Variants in SCYL3 observed in about 807,000 individuals in gnomAD.
SCYL3 encodes the protein SCY1 like pseudokinase 3.
SCYL3 carries 35 observed loss-of-function variants against 73.8 expected under a neutral mutation model. The ratio of observed to expected loss-of-function variants is 0.47; its 90% confidence interval spans 0.36 to 0.63. The LOEUF is 0.63. Ranked by LOEUF, SCYL3 falls within the 20% of genes least tolerant of loss-of-function variation. The probability of loss-of-function intolerance (pLI) is 0.00; values close to 1 mark genes in which losing one functional copy is unlikely to be tolerated. For missense variants in SCYL3, 712 were observed against 798.9 expected (o/e 0.89, Z 1.31); for synonymous variants, 277 against 295.2 (o/e 0.94, Z 0.63).
chr1:169,849,674 C>T lies in SCYL3; in HGVS notation c.*4039G>A. ...AATATTTCAAATATTCCAGAACAATCCCAAAACATTTATTGAACTGCTTCT... is the reference window on the plus strand; with the variant it reads ...AATATTTCAAATATTCCAGAACAATTCCAAAACATTTATTGAACTGCTTCT... On this transcript the variant is annotated 3_prime_UTR_variant, in exon 13 of 13. Transcript: ENST00000367771. 8.1e-7 allele frequency: 1 copy of T among 1,231,264 alleles called. No individual in the cohort carries two copies. The highest frequency in any genetic ancestry group is 1.2e-6 in the Non-Finnish European group (1 of 845,968). 76.3% of individuals were successfully genotyped at this position (1,231,264 alleles called of 1,614,324 possible). A position where few individuals can be genotyped will look rare whatever the true frequency, so the allele number is the denominator to read the frequency against.
At chr1:169,856,839 G>A (rs1474268797) in intron 11 of SCYL3, among the ~76,000 whole-genome samples, 1 of 152,154 alleles carries the variant, frequency 6.6e-6, no homozygotes, top group Non-Finnish European at 1.5e-5. Context: ...CAAGGAAGAG[G>A]TGAACGCTCT....
rs1658629648 is a variant in SCYL3 at position 169,853,071 on chromosome 1, A to G, written c.*642T>C. On this transcript the variant is annotated 3_prime_UTR_variant, in exon 13 of 13. Coordinates refer to ENST00000367771, the MANE Select transcript of SCYL3 (RefSeq NM_020423.7). ...GTACATTTTCTAACAGATATAAAAC[A>G]AATTTTGTAAAGTTGAATCTAGTGA... The G allele has an allele frequency of 3.8e-6, 5 of 1,328,148 alleles. No homozygotes were observed. The Admixed American group carries it at 8.1e-5, about 22-fold the overall frequency. The allele number at this position is 1,328,148 out of a possible 1,614,324, so 82.3% of individuals were successfully genotyped here. A position where few individuals can be genotyped will look rare whatever the true frequency, so the allele number is the denominator to read the frequency against.
chr1:169,875,019 T>C (rs574416693), intron 4 of SCYL3, among the ~76,000 whole-genome samples: 1 of 152,186 alleles, frequency 6.6e-6, no homozygotes, highest in East Asian at 1.9e-4. Context: ...GGCAAAGAAT[T>C]TGGAATAAAC....
chr1:169,890,294 C>A (rs1450142551), intron 1 of SCYL3, among the ~76,000 whole-genome samples: 1 of 152,180 alleles, frequency 6.6e-6, no homozygotes, highest in Non-Finnish European at 1.5e-5. Context: ...CAACGTATGT[C>A]TGAAAAATCT....
intron 4 of SCYL3, 123 bp downstream of exon 4, chr1:169,875,855 C>T (rs1342222526): frequency 2.1e-6 from 1 of 478,126 alleles, no homozygotes; most frequent in Non-Finnish European, 3.7e-6. Context: ...AGGGCACTGA[C>T]AAAAAATTCA....
chr1:169,852,075 T>C lies in SCYL3; in HGVS notation c.*1638A>G, dbSNP rs1448326636. 2 of 1,206,096 alleles carry C rather than the reference T, an allele frequency of 1.7e-6. No individual in the cohort carries two copies. Among genetic ancestry groups the C allele is most frequent in the Non-Finnish European group, 2.4e-6 (2 of 844,266 alleles). 74.7% of individuals were successfully genotyped at this position (1,206,096 alleles called of 1,614,324 possible). On this transcript the variant is annotated 3_prime_UTR_variant, in exon 13 of 13. Transcript: ENST00000367771. ...ATAGATCTAGACATGTAAAATTCTGTTTTATGGTAGTTGCTTTTAAAATTA... is the reference window on the plus strand; with the variant it reads ...ATAGATCTAGACATGTAAAATTCTGCTTTATGGTAGTTGCTTTTAAAATTA...
intron 2 of SCYL3, 91 bp downstream of exon 2, chr1:169,888,585 C>T: frequency 9.7e-7 from 1 of 1,030,078 alleles, no homozygotes; most frequent in South Asian, 1.7e-5. Context: ...TATGATCTTA[C>T]CTCCTTTGAA....
rs200810095 is a variant in SCYL3, at chr1:169,852,790, C to G, written c.*923G>C. On this transcript the variant is annotated 3_prime_UTR_variant, in exon 13 of 13. Coordinates refer to ENST00000367771, the MANE Select transcript of SCYL3 (RefSeq NM_020423.7). The stretch of plus-strand genomic sequence containing the variant: ...GATATTACTTATGTTTTTTTTCCAG[C>G]CTTATGCAAAAAGAGCTCGTCAGGA... The G allele has an allele frequency of 6.2e-7, 1 of 1,612,212 alleles. No individual in the cohort carries two copies. The highest frequency in any genetic ancestry group is 1.7e-5 in the Admixed American group (1 of 59,694).
chr1:169,858,864 A>G (rs985686309), intron 11 of SCYL3, among the ~76,000 whole-genome samples, 177 bp downstream of exon 11: 14 of 152,188 alleles, frequency 9.2e-5, no homozygotes, highest in African/African-American at 3.4e-4. Context: ...GCTTAAAAAA[A>G]AAGTATGAAA....
chr1:169,852,720 C>T lies in SCYL3; in HGVS notation c.*993G>A. 6.6e-7 allele frequency: 1 copy of T among 1,504,964 alleles called. No individual in the cohort carries two copies. The highest frequency in any genetic ancestry group is 9.2e-7 in the Non-Finnish European group (1 of 1,091,152). The allele number at this position is 1,504,964 out of a possible 1,614,324, so 93.2% of individuals were successfully genotyped here. A position where few individuals can be genotyped will look rare whatever the true frequency, so the allele number is the denominator to read the frequency against. ...GAATAAAATTTGCATGTAAGCTTTA[C>T]TCCAGTCCAAAAGGAAGGTTCTTTA... On this transcript the variant is annotated 3_prime_UTR_variant, in exon 13 of 13. Transcript: ENST00000367771.
chr1:169,891,920 G>A (rs1662114563), intron 1 of SCYL3, among the ~76,000 whole-genome samples: 1 of 152,136 alleles, frequency 6.6e-6, no homozygotes, highest in Non-Finnish European at 1.5e-5. Context: ...GCATTAGGAA[G>A]TAGTTAAAAT....
Position 169,854,741 on chromosome 1 carries a change from T to G in SCYL3, c.1536A>C (p.Glu512Asp). ...VKSQCTTLDV[E>D]ESSWDDCEPS... ...GCTCGCAGTCATCCCAAGATGACTC[T>G]TCCACATCCAAGGTAGTGCACTGGG... Residue 512 changes from glutamate (E) to aspartate (D), a missense_variant, in exon 12 of 13, where the codon GAA becomes GAC. By Grantham distance (45) the Glu-to-Asp change is conservative. This residue lies in a region of SCYL3 where 370 missense variants were observed against 350.8 expected (regional missense o/e 1.05). Transcript: ENST00000367771. 1 of 1,614,044 alleles carries G rather than the reference T, an allele frequency of 6.2e-7. No homozygotes were observed. The highest frequency in any genetic ancestry group is 8.5e-7 in the Non-Finnish European group (1 of 1,179,908).
At chr1:169,882,324 G>A (rs935732767) in intron 2 of SCYL3, among the ~76,000 whole-genome samples, 1 of 152,198 alleles carries the variant, frequency 6.6e-6, no homozygotes, top group East Asian at 1.9e-4. Context: ...TCATTTTCTC[G>A]CCGGGCCTTA....
intron 11 of SCYL3, chr1:169,855,869 G>T (rs1251803458): frequency 1.2e-6 from 2 of 1,613,834 alleles, no homozygotes; most frequent in Admixed American, 1.7e-5. Context: ...TGCCAGAAAA[G>T]AAACATTTAG....
chr1:169,878,863 C>A, intron 2 of SCYL3, 44 bp from the exon 3 acceptor site: 1 of 1,533,764 alleles, frequency 6.5e-7, no homozygotes, highest in Non-Finnish European at 8.9e-7. Flanking sequence ...TGACCCCAAA[C>A]CAGATTATAG....
intron 1 of SCYL3, among the ~76,000 whole-genome samples, 182 bp downstream of exon 1, chr1:169,893,606 G>A (rs1250230870): frequency 6.6e-6 from 1 of 151,920 alleles, no homozygotes; most frequent in African/African-American, 2.4e-5. Context: ...AGGGGAGGCT[G>A]CTCCGAAGCT....
intron 2 of SCYL3, among the ~76,000 whole-genome samples, chr1:169,888,219 C>T (rs1038643760): frequency 4.6e-5 from 7 of 152,178 alleles, no homozygotes; most frequent in Admixed American, 1.3e-4. Context: ...GTGTGTCAGA[C>T]AGCATGCTAA....
chr1:169,866,078 A>G (rs998890618), intron 8 of SCYL3, among the ~76,000 whole-genome samples: 1 of 152,218 alleles, frequency 6.6e-6, no homozygotes, highest in African/African-American at 2.4e-5. Context: ...CGGTCCATGT[A>G]TATCTCTATC....
At chr1:169,891,234 GGAA>G (rs1171462444) in intron 1 of SCYL3, among the ~76,000 whole-genome samples, 4 of 152,260 alleles carry the variant, frequency 2.6e-5, no homozygotes. Flanking sequence ...ACTTTCCAGA[GGAA>G]GTCAGTTGGT....
Sources: allele counts gnomAD v4.1 joint callset (sites outside exome capture counted in the v4.1 genomes callset), GRCh38; gene constraint gnomAD v4.1.1; regional missense constraint gnomAD v4.1.1; transcripts MANE v1.5; gene names NCBI Gene and HGNC (gene_info 2026-07-23, HGNC 2026-07-21).